DSCAM: variants seen among roughly 807,000 people sequenced by gnomAD.
DSCAM encodes the protein cell adhesion molecule DSCAM.
DSCAM carries 47 observed loss-of-function variants against 217.7 expected under a neutral mutation model. The observed-to-expected ratio is 0.22, with a 90% CI of 0.17 to 0.28. The LOEUF (loss-of-function observed/expected upper bound fraction) is 0.28. Ranked by LOEUF, DSCAM falls within the 10% of genes least tolerant of loss-of-function variation. The pLI is 1.00. For synonymous variants in DSCAM, 1,056 were observed against 1,015.3 expected (o/e 1.04, Z -0.76); for missense variants, 2,080 against 2,618.3 (o/e 0.79, Z 4.49).
intron 3 of DSCAM, among the ~76,000 whole-genome samples, chr21:40,669,587 TATA>T (rs147291253): frequency 0.79 from 112,379 of 142,026 alleles, 45,129 homozygotes; most frequent in East Asian, 0.94. Flanking sequence ...TGTTGTTATA[TATA>T]TTTTTTTTTT....
chr21:40,097,445 C>A (rs995579499), intron 20 of DSCAM, among the ~76,000 whole-genome samples: 2 of 151,870 alleles, frequency 1.3e-5, no homozygotes, highest in African/African-American at 2.4e-5. Flanking sequence ...ACAAAAAAAA[C>A]CCCAAAGAAG....
chr21:40,751,283 G>A (rs950985767), intron 1 of DSCAM, among the ~76,000 whole-genome samples: 1 of 152,114 alleles, frequency 6.6e-6, no homozygotes, highest in African/African-American at 2.4e-5. Context: ...CACTGCTTCA[G>A]TTTCTTTGCA....
At chr21:40,539,195 G>A (rs74277179) in intron 3 of DSCAM, among the ~76,000 whole-genome samples, 2,424 of 152,236 alleles carry the variant, frequency 0.016, 53 homozygotes, top group Admixed American at 0.037. Context: ...GCATCGCTGA[G>A]ATTTGTTAGA....
At position 40,546,819 on chromosome 21, in the gene DSCAM, GAGA is replaced by G. The variant is rs1264404593; in HGVS notation, c.508+145988_508+145990del. Among the ~76,000 whole-genome samples, 6 of 152,216 alleles carry G rather than the reference GAGA, an allele frequency of 3.9e-5. No homozygotes were observed. In the East Asian group the frequency reaches 1.2e-3, roughly 29 times the overall value. On this transcript the variant is annotated intron_variant, in intron 3 of 32. Transcript: ENST00000400454. ...CCTCACCCCAAAACCCATAGAAAAAGAGAAGCTCAGGTCTTTCTAAGGGAAGTC... is the reference window on the plus strand; with the variant it reads ...CCTCACCCCAAAACCCATAGAAAAAGAGCTCAGGTCTTTCTAAGGGAAGTC...
At chr21:40,641,195 C>T (rs1162371351) in intron 3 of DSCAM, among the ~76,000 whole-genome samples, 4 of 151,942 alleles carry the variant, frequency 2.6e-5, no homozygotes, top group African/African-American at 9.7e-5. Context: ...ATAAACAGAG[C>T]GCATGGCAGT....
chr21:40,312,954 AT>A (rs2074155478), intron 8 of DSCAM, among the ~76,000 whole-genome samples: 1 of 151,698 alleles, frequency 6.6e-6, no homozygotes, highest in Admixed American at 6.6e-5. Flanking sequence ...TATCTACAAC[AT>A]TTTTTTAAAA....
intron 8 of DSCAM, among the ~76,000 whole-genome samples, chr21:40,331,279 G>C (rs997517166): frequency 6.6e-6 from 1 of 152,210 alleles, no homozygotes; most frequent in Non-Finnish European, 1.5e-5. Flanking sequence ...TCTGAAAGCA[G>C]GAGTGGGGAA....
At chr21:40,499,337 G>A (rs903428758) in intron 3 of DSCAM, among the ~76,000 whole-genome samples, 1 of 152,120 alleles carries the variant, frequency 6.6e-6, no homozygotes, top group African/African-American at 2.4e-5. Flanking sequence ...GACACAAATA[G>A]TCCATCTCTT....
chr21:40,358,109 T>C (rs896325503), intron 4 of DSCAM, among the ~76,000 whole-genome samples: 1 of 152,174 alleles, frequency 6.6e-6, no homozygotes, highest in African/African-American at 2.4e-5. Context: ...TCTGACTTTC[T>C]TTGCAGAATA....
intron 1 of DSCAM, among the ~76,000 whole-genome samples, chr21:40,760,222 T>C (rs1185034870): frequency 1.3e-5 from 2 of 152,082 alleles, no homozygotes; most frequent in African/African-American, 4.8e-5. Flanking sequence ...TTCACCACGT[T>C]GGCCAGGATT....
In DSCAM at chr21:40,303,581, T is replaced by C. The variant is rs532820809; in HGVS notation, c.2063-7407A>G. ...CTTCCCTTCACTAGACTTTGAACCT[T>C]AATGGGCAGAGACTTGGTGTCTTTA... On this transcript the variant is annotated intron_variant, in intron 9 of 32. Coordinates refer to ENST00000400454, the MANE Select transcript of DSCAM (RefSeq NM_001389.5). 9.2e-5 allele frequency among the ~76,000 whole-genome samples: 14 copies of C among 152,306 alleles called. No individual in the cohort carries two copies. The East Asian group carries it at 2.5e-3, about 27-fold the overall frequency.
intron 9 of DSCAM, among the ~76,000 whole-genome samples, chr21:40,301,278 T>A (rs992420524): frequency 6.6e-6 from 1 of 152,222 alleles, no homozygotes; most frequent in Non-Finnish European, 1.5e-5. Context: ...GCATCGCATA[T>A]TCCCATGGCC....
At chr21:40,169,652 A>T (rs796992911) in intron 15 of DSCAM, among the ~76,000 whole-genome samples, 7 of 152,332 alleles carry the variant, frequency 4.6e-5, no homozygotes, top group African/African-American at 1.7e-4. Flanking sequence ...ATGGTTTAGA[A>T]ATATGAGTTT....
chr21:40,498,733 G>GTATA lies in DSCAM; in HGVS notation c.509-129489_509-129488insTATA, dbSNP rs1458054623. Among the ~76,000 whole-genome samples the GTATA allele has an allele frequency of 1.5e-3, 23 of 14,970 alleles. 1 individual carries two copies. Among genetic ancestry groups the GTATA allele is most frequent in the South Asian group, 0.01 (3 of 292 alleles). 9.8% of individuals were successfully genotyped at this position (14,970 alleles called of 152,430 possible). ...TATGGGTGTATATATATATGGGTGTGTGTATATATATATATATATATATGG... is the reference window on the plus strand; with the variant it reads ...TATGGGTGTATATATATATGGGTGTGTATATGTATATATATATATATATATATGG... On this transcript the variant is annotated intron_variant, in intron 3 of 32. Coordinates refer to ENST00000400454, the MANE Select transcript of DSCAM (RefSeq NM_001389.5).
At chr21:40,338,935 A>G (rs757695542) in intron 7 of DSCAM, among the ~76,000 whole-genome samples, 184 bp downstream of exon 7, 21 of 152,220 alleles carry the variant, frequency 1.4e-4, no homozygotes, top group African/African-American at 1.9e-4. Context: ...TACAGAAACC[A>G]AAATGCCATT....
At chr21:40,250,478 T>A (rs8133850) in intron 11 of DSCAM, among the ~76,000 whole-genome samples, 71,962 of 151,914 alleles carry the variant, frequency 0.47, 17,435 homozygotes, top group African/African-American at 0.55. Flanking sequence ...CATAATTTTT[T>A]AAAAAATTCC....
At chr21:40,258,646 A>T (rs144564403) in intron 11 of DSCAM, among the ~76,000 whole-genome samples, 1 of 152,380 alleles carries the variant, frequency 6.6e-6, no homozygotes, top group African/African-American at 2.4e-5. Flanking sequence ...TAGCTCCCAC[A>T]ATTTAGCTTA....
intron 16 of DSCAM, among the ~76,000 whole-genome samples, chr21:40,163,107 A>AC (rs2090558255): frequency 1.3e-5 from 2 of 150,710 alleles, no homozygotes; most frequent in East Asian, 1.9e-4. Context: ...ACACACACAC[A>AC]AGCATGCACA....
At chr21:40,603,315 T>C (rs185049308) in intron 3 of DSCAM, among the ~76,000 whole-genome samples, 1 of 152,170 alleles carries the variant, frequency 6.6e-6, no homozygotes, top group East Asian at 1.9e-4. Context: ...TCATGAAGTA[T>C]TCTATGAATG....
Sources: gnomAD v4.1 joint callset for allele counts (sites outside exome capture counted in the v4.1 genomes callset) on GRCh38, gnomAD v4.1.1 for gene constraint, MANE v1.5 for transcripts, NCBI Gene and HGNC (gene_info 2026-07-23, HGNC 2026-07-21) for gene names.